The following DNAH12 variants were observed in gnomAD, a reference collection of about 807,000 sequenced individuals.
DNAH12 encodes axonemal beta dynein heavy chain 12.
A neutral mutation model predicts 371.5 loss-of-function variants in DNAH12; 285 were observed. That is an observed-to-expected ratio of 0.77 (90% CI 0.70 to 0.85). The LOEUF (loss-of-function observed/expected upper bound fraction) is 0.85, where lower values mean the gene tolerates loss of function less well. Among genes scored for constraint, DNAH12 ranks in the 40% least tolerant of loss-of-function variants. DNAH12 has a pLI of 0.00. For synonymous variants in DNAH12, 1,200 were observed against 1,213.0 expected (o/e 0.99, Z 0.22); for missense variants, 3,611 against 3,689.4 (o/e 0.98, Z 0.55).
chr3:57,429,967 G>A (rs1575590534), intron 32 of DNAH12, among the ~76,000 whole-genome samples, 193 bp from the exon 33 acceptor site: 2 of 151,908 alleles, frequency 1.3e-5, no homozygotes, highest in East Asian at 1.9e-4. Context: ...TAACATCTCC[G>A]AGTCTCAGTC....
rs1575621613 is a variant in DNAH12, at chr3:57,452,755, A to G, written c.3786+88T>C. 7.4e-6 allele frequency: 9 copies of G among 1,217,152 alleles called. No individual in the cohort carries two copies. In the East Asian group the frequency reaches 1.8e-4, roughly 25 times the overall value. The allele number at this position is 1,217,152 out of a possible 1,614,324, so 75.4% of individuals were successfully genotyped here. ...GATTAGAAAGGGATAATTGTATTCAACTACTCCAGGTAAGACAAGAGAGAA... is the reference window on the plus strand; with the variant it reads ...GATTAGAAAGGGATAATTGTATTCAGCTACTCCAGGTAAGACAAGAGAGAA... On this transcript the variant is annotated intron_variant, in intron 25 of 73. Coordinates refer to ENST00000495027, the MANE Select transcript of DNAH12 (RefSeq NM_001366028.2).
At chr3:57,442,417 A>G (rs770804919) in intron 29 of DNAH12, among the ~76,000 whole-genome samples, 1 of 152,230 alleles carries the variant, frequency 6.6e-6, no homozygotes, top group African/African-American at 2.4e-5. Context: ...AAACTATACC[A>G]TTTAAGGTGC....
rs1423410405 is a variant in DNAH12 at position 57,310,739 on chromosome 3, T to C, written c.10874A>G (p.Glu3625Gly). The C allele has an allele frequency of 1.3e-6, 2 of 1,551,344 alleles. No homozygotes were observed. The highest frequency in any genetic ancestry group is 1.2e-5 in the South Asian group (1 of 84,054). The change falls in exon 67 of 74, where the codon GAG becomes GGG. Residue 3625 changes from glutamate to glycine, a missense_variant. Physicochemically the swap from Glu to Gly is moderately conservative, Grantham distance 98. This residue lies in a region of DNAH12 where 2,266 missense variants were observed against 2,236.9 expected (regional missense o/e 1.01). Transcript: ENST00000495027. ...NYFAPPKGTY[E>G]DYIEFIKKLP... ...TACCTTAATGAATTCAATGTAGTCCTCATAAGTGCCTTTAGGAGGTGCAAA... is the reference window on the plus strand; with the variant it reads ...TACCTTAATGAATTCAATGTAGTCCCCATAAGTGCCTTTAGGAGGTGCAAA...
intron 5 of DNAH12, among the ~76,000 whole-genome samples, chr3:57,509,960 G>T (rs1219028901): frequency 6.9e-6 from 1 of 144,152 alleles, no homozygotes; most frequent in African/African-American, 2.5e-5. Context: ...GTCAAGAGTA[G>T]ATTTTATGTT....
intron 2 of DNAH12, chr3:57,530,336 G>T: frequency 2.2e-6 from 1 of 450,316 alleles, no homozygotes; most frequent in East Asian, 3.4e-5. Context: ...ATACAGAAAG[G>T]ATGAGGATTT....
At chr3:57,318,684 G>A (rs2061739247) in intron 65 of DNAH12, among the ~76,000 whole-genome samples, 1 of 148,870 alleles carries the variant, frequency 6.7e-6, no homozygotes, top group Non-Finnish European at 1.5e-5. Flanking sequence ...TAACTGGTAA[G>A]TATAATGCAA....
In DNAH12 at chr3:57,483,641, G is replaced by A. The variant is rs138489952; in HGVS notation, c.1515-130C>T. On this transcript the variant is annotated intron_variant, in intron 12 of 73. Coordinates refer to ENST00000495027, the MANE Select transcript of DNAH12 (RefSeq NM_001366028.2). Reference sequence around the variant, plus strand: ...TAAAAAAATTGCTTGATTCACTAAGGTATCTTAAAAATATTTAAGCTTGGC... The same window carrying A: ...TAAAAAAATTGCTTGATTCACTAAGATATCTTAAAAATATTTAAGCTTGGC... 2.5e-4 allele frequency: 275 copies of A among 1,105,608 alleles called. 1 individual carries two copies. In the African/African-American group the frequency reaches 3.9e-3, roughly 16 times the overall value. 68.5% of individuals were successfully genotyped at this position (1,105,608 alleles called of 1,614,324 possible).
chr3:57,311,041 G>A, intron 66 of DNAH12, 91 bp from the exon 67 acceptor site: 3 of 922,488 alleles, frequency 3.3e-6, no homozygotes, highest in Non-Finnish European at 4.9e-6. Flanking sequence ...TAGAAAGGGG[G>A]TTGAAAGAAT....
chr3:57,448,396 G>A (rs1334190552), intron 25 of DNAH12, among the ~76,000 whole-genome samples: 2 of 152,030 alleles, frequency 1.3e-5, no homozygotes, highest in South Asian at 2.1e-4. Flanking sequence ...CAGGAGAGAA[G>A]CTGCAGACCT....
intron 29 of DNAH12, among the ~76,000 whole-genome samples, chr3:57,437,853 C>T (rs1374236330): frequency 6.6e-6 from 1 of 152,162 alleles, no homozygotes; most frequent in Non-Finnish European, 1.5e-5. Flanking sequence ...AATCATATGG[C>T]AGGACAATTC....
rs1201361123 is a variant in DNAH12 at position 57,361,444 on chromosome 3, C to CTATATATATATATATA, written c.9360+2134_9360+2149dup. On this transcript the variant is annotated intron_variant, in intron 58 of 73. Coordinates refer to ENST00000495027, the MANE Select transcript of DNAH12 (RefSeq NM_001366028.2). Reference sequence around the variant, plus strand: ...CACTATATATATATACACACACACACTATATATATATATATATATATATAT... The same window carrying CTATATATATATATATA: ...CACTATATATATATACACACACACACTATATATATATATATATATATATATATATATATATATATAT... 8.9e-4 allele frequency among the ~76,000 whole-genome samples: 104 copies of CTATATATATATATATA among 116,660 alleles called. 1 individual carries two copies. The East Asian group carries it at 9.1e-3, about 10-fold the overall frequency. The allele number at this position is 116,660 out of a possible 152,430, so 76.5% of individuals were successfully genotyped here.
chr3:57,489,744 T>C, intron 11 of DNAH12, 57 bp from the exon 12 acceptor site: 6 of 1,407,310 alleles, frequency 4.3e-6, no homozygotes, highest in Non-Finnish European at 5.7e-6. Flanking sequence ...AGTGATTTTA[T>C]AATATTGTAT....
chr3:57,437,803 A>C lies in DNAH12; in HGVS notation c.4546-743T>G, dbSNP rs142971228. On this transcript the variant is annotated intron_variant, in intron 29 of 73. Coordinates refer to ENST00000495027, the MANE Select transcript of DNAH12 (RefSeq NM_001366028.2). ...CACACAGAGAGATTTCTTTAGTCTC[A>C]GAATGCTTAGATCCCAAAATCCTAC... is the stretch of plus-strand genomic sequence containing the variant. Among the ~76,000 whole-genome samples, 154 of 152,338 alleles carry C rather than the reference A, an allele frequency of 1.0e-3. 2 individuals carry two copies. The highest frequency in any genetic ancestry group is 6.8e-3 in the East Asian group (35 of 5,182).
At chr3:57,341,442 TA>T (rs1412492429) in intron 60 of DNAH12, among the ~76,000 whole-genome samples, 1 of 152,284 alleles carries the variant, frequency 6.6e-6, no homozygotes, top group East Asian at 1.9e-4. Context: ...GTGGTGTTTT[TA>T]TATAAGAACA....
At chr3:57,334,158 A>G (rs899935830) in intron 62 of DNAH12, among the ~76,000 whole-genome samples, 1 of 152,226 alleles carries the variant, frequency 6.6e-6, no homozygotes, top group African/African-American at 2.4e-5. Flanking sequence ...AGGAGATACC[A>G]CGGCTTAAAA....
chr3:57,395,086 TCTC>T (rs1240121392), intron 43 of DNAH12, among the ~76,000 whole-genome samples: 10 of 152,148 alleles, frequency 6.6e-5, no homozygotes. Flanking sequence ...AATATCATCA[TCTC>T]CTATTTTATT....
At chr3:57,404,473 T>A (rs2063964542) in intron 42 of DNAH12, among the ~76,000 whole-genome samples, 1 of 152,196 alleles carries the variant, frequency 6.6e-6, no homozygotes, top group Admixed American at 6.5e-5. Context: ...CCCAGCACTT[T>A]GGGAGGCCAA....
At chr3:57,441,796 A>C (rs1006239933) in intron 29 of DNAH12, among the ~76,000 whole-genome samples, 2 of 152,196 alleles carry the variant, frequency 1.3e-5, no homozygotes, top group Admixed American at 6.5e-5. Context: ...TCTCTAAAAA[A>C]AGAAAAGAAA....
chr3:57,386,799 G>GAA (rs2063507489), intron 46 of DNAH12, among the ~76,000 whole-genome samples, 196 bp from the exon 47 acceptor site: 3 of 152,092 alleles, frequency 2.0e-5, no homozygotes, highest in African/African-American at 7.2e-5. Flanking sequence ...AACTAGTGGT[G>GAA]ACATATTCAA....
Sources: gnomAD v4.1 joint callset for allele counts (sites outside exome capture counted in the v4.1 genomes callset) on GRCh38, gnomAD v4.1.1 for gene constraint, gnomAD v4.1.1 regional missense constraint, MANE v1.5 for transcripts, NCBI Gene and HGNC (gene_info 2026-07-23, HGNC 2026-07-21) for gene names.